The following STIM2 variants were observed in gnomAD, a reference collection of about 807,000 sequenced individuals.
The protein encoded by STIM2 is stromal interaction molecule 2.
A neutral mutation model predicts 85.8 loss-of-function variants in STIM2; 31 were observed. That is an observed-to-expected ratio of 0.36 (90% CI 0.27 to 0.49). The LOEUF (loss-of-function observed/expected upper bound fraction) is 0.49, where lower values mean the gene tolerates loss of function less well. STIM2 is among the 20% of genes least tolerant of loss of function. The pLI is 0.98. For missense variants in STIM2, 841 were observed against 927.6 expected, an observed-to-expected ratio of 0.91 and a Z score of 1.21; for synonymous variants, 356 against 331.1, an observed-to-expected ratio of 1.08 and a Z score of -0.82.
intron 11 of STIM2, chr4:27,021,027 A>G: frequency 6.5e-7 from 1 of 1,536,972 alleles, no homozygotes; most frequent in Non-Finnish European, 8.7e-7. Context: ...GGTGCGTGCA[A>G]AAGTGAATGA....
intron 1 of STIM2, among the ~76,000 whole-genome samples, chr4:26,912,540 G>C (rs1261346475): frequency 6.6e-6 from 1 of 152,154 alleles, no homozygotes; most frequent in Non-Finnish European, 1.5e-5. Flanking sequence ...AAAGGGAATA[G>C]CATTTGATGC....
In STIM2 at chr4:27,022,767, A is replaced by T; in HGVS notation, c.2012A>T (p.Tyr671Phe). The T allele has an allele frequency of 6.2e-7, 1 of 1,614,222 alleles. No homozygotes were observed. Among genetic ancestry groups the T allele is most frequent in the Non-Finnish European group, 8.5e-7 (1 of 1,180,036 alleles). ...ATCTTCAGTCCTGCAAGCAAAGTGT[A>T]CAATGGCATTTTGGAGAAATCCTGT... The change falls in exon 12 of 12, where the codon TAC becomes TTC. Residue 671 changes from tyrosine (Y) to phenylalanine (F), a missense_variant. Physicochemically the swap from Tyr to Phe is conservative, Grantham distance 22. Transcript: ENST00000467087.
At chr4:26,899,661 G>T (rs532507757) in intron 1 of STIM2, among the ~76,000 whole-genome samples, 35 of 152,260 alleles carry the variant, frequency 2.3e-4, no homozygotes, top group African/African-American at 8.2e-4. Context: ...AGTCACTGAT[G>T]AATACTTTTT....
In STIM2 at chr4:26,861,212, G is replaced by A; in HGVS notation, c.-7G>A. 6.8e-7 allele frequency: 1 copy of A among 1,479,442 alleles called. No homozygotes were observed. Among genetic ancestry groups the A allele is most frequent in the Non-Finnish European group, 8.9e-7 (1 of 1,120,050 alleles). The allele number at this position is 1,479,442 out of a possible 1,614,324, so 91.6% of individuals were successfully genotyped here. On this transcript the variant is annotated 5_prime_UTR_variant, in exon 1 of 12. It introduces an in-frame stop codon into an upstream open reading frame of the 5' UTR. Coordinates refer to ENST00000467087, the MANE Select transcript of STIM2 (RefSeq NM_020860.4). ...GCTGGCTGCTGCGGCGGCGGCGCTG[G>A]GCTGCGTTGCTGGTGCTCGGGCTGC...
intron 4 of STIM2, among the ~76,000 whole-genome samples, chr4:26,997,949 T>G (rs1041674036): frequency 1.1e-4 from 17 of 152,212 alleles, no homozygotes; most frequent in Non-Finnish European, 2.1e-4. Context: ...ATACAAAATG[T>G]AGTGTTTCAA....
At chr4:26,871,277 A>G (rs1273462714) in intron 1 of STIM2, among the ~76,000 whole-genome samples, 2 of 152,160 alleles carry the variant, frequency 1.3e-5, no homozygotes, top group Non-Finnish European at 2.9e-5. Flanking sequence ...TCGTACTTTA[A>G]AAAACCCCCC....
chr4:26,945,799 T>C (rs2109084877), intron 2 of STIM2, among the ~76,000 whole-genome samples: 1 of 152,306 alleles, frequency 6.6e-6, no homozygotes, highest in East Asian at 1.9e-4. Flanking sequence ...TGGGGTTTTT[T>C]TTTCTCATAA....
chr4:26,885,886 T>TC (rs1723228255), intron 1 of STIM2, among the ~76,000 whole-genome samples: 1 of 140,142 alleles, frequency 7.1e-6, no homozygotes, highest in African/African-American at 2.6e-5. Context: ...TATATGTCTA[T>TC]TCATGTAAAT....
chr4:26,942,235 A>C (rs961654205), intron 2 of STIM2, among the ~76,000 whole-genome samples: 7 of 152,118 alleles, frequency 4.6e-5, no homozygotes, highest in Non-Finnish European at 1.5e-5. Context: ...GTGTTCTTGC[A>C]AAGTGAATTT....
intron 1 of STIM2, among the ~76,000 whole-genome samples, chr4:26,880,537 T>C (rs1366314524): frequency 6.6e-6 from 1 of 150,818 alleles, no homozygotes; most frequent in Admixed American, 6.6e-5. Context: ...CAGTGTCTCA[T>C]AGGTAACTAC....
chr4:26,971,584 T>G (rs1726954010), intron 3 of STIM2, among the ~76,000 whole-genome samples: 1 of 152,230 alleles, frequency 6.6e-6, no homozygotes, highest in Non-Finnish European at 1.5e-5. Flanking sequence ...GAGGCCTCTG[T>G]TCTGTTCCAT....
chr4:26,946,155 G>T (rs182642129), intron 2 of STIM2, among the ~76,000 whole-genome samples: 37 of 152,236 alleles, frequency 2.4e-4, no homozygotes, highest in African/African-American at 8.7e-4. Flanking sequence ...TGTTTCAGTT[G>T]TATAAAGATA....
chr4:27,005,924 A>C (rs1319309196), intron 7 of STIM2, among the ~76,000 whole-genome samples: 2 of 152,218 alleles, frequency 1.3e-5, no homozygotes, highest in Admixed American at 6.5e-5. Context: ...ATTCCTTGGA[A>C]GTGAAAATTG....
chr4:26,958,887 A>G (rs1224163566), intron 3 of STIM2, among the ~76,000 whole-genome samples: 2 of 152,144 alleles, frequency 1.3e-5, no homozygotes, highest in African/African-American at 4.8e-5. Flanking sequence ...TACAGAGTCT[A>G]TTGCTATTAG....
At chr4:27,007,887 G>A in intron 8 of STIM2, 187 bp downstream of exon 8, 1 of 716,704 alleles carries the variant, frequency 1.4e-6, no homozygotes, top group South Asian at 1.7e-5. Flanking sequence ...ACTGCATTTG[G>A]AGAAGTGTAT....
chr4:27,009,640 A>G (rs1345723446), intron 10 of STIM2, among the ~76,000 whole-genome samples: 2 of 152,198 alleles, frequency 1.3e-5, no homozygotes, highest in Non-Finnish European at 2.9e-5. Context: ...TCAACTCTTA[A>G]AAGAGGCAGG....
intron 4 of STIM2, among the ~76,000 whole-genome samples, chr4:26,996,564 A>G (rs974425484): frequency 6.6e-6 from 1 of 152,116 alleles, no homozygotes; most frequent in Non-Finnish European, 1.5e-5. Flanking sequence ...GAACATCAAC[A>G]TTAGTATTTC....
At position 27,024,075 on chromosome 4, in the gene STIM2, G is replaced by T. The variant is rs572110248; in HGVS notation, c.*1079G>T. On this transcript the variant is annotated 3_prime_UTR_variant, in exon 12 of 12. Coordinates refer to ENST00000467087, the MANE Select transcript of STIM2 (RefSeq NM_020860.4). ...CAATATAAGAAATAGTGATGTTTTG[G>T]ACGTAAGTTGTCAACAAATTTCTAT... 3.3e-5 allele frequency: 5 copies of T among 152,706 alleles called. No homozygotes were observed. Among genetic ancestry groups the T allele is most frequent in the Admixed American group, 3.3e-4 (5 of 15,296 alleles). 9.5% of individuals were successfully genotyped at this position (152,706 alleles called of 1,614,324 possible).
In STIM2 at chr4:26,919,001, G is replaced by T. The variant is rs1382908432; in HGVS notation, c.152-503G>T. ...TTGGATTATCTTAAATAGAAAAATG[G>T]AAACAAAAGGGTCATGTGACTATTT... On this transcript the variant is annotated intron_variant, in intron 1 of 11. Coordinates refer to ENST00000467087, the MANE Select transcript of STIM2 (RefSeq NM_020860.4). 2.6e-5 allele frequency among the ~76,000 whole-genome samples: 4 copies of T among 152,172 alleles called. No individual in the cohort carries two copies. The East Asian group carries it at 7.7e-4, about 29-fold the overall frequency.
Sources: allele counts gnomAD v4.1 joint callset (sites outside exome capture counted in the v4.1 genomes callset), GRCh38; gene constraint gnomAD v4.1.1; transcripts MANE v1.5; gene names NCBI Gene and HGNC (gene_info 2026-07-23, HGNC 2026-07-21).